The following TRAPPC9 variants were observed in gnomAD, a reference collection of about 807,000 sequenced individuals.
TRAPPC9 encodes IKK2 binding protein.
TRAPPC9 carries 83 observed loss-of-function variants against 124.0 expected under a neutral mutation model. That is an observed-to-expected ratio of 0.67 (90% confidence interval 0.56 to 0.80). The LOEUF is 0.80. Among genes scored for constraint, TRAPPC9 ranks in the 30% least tolerant of loss-of-function variants. The pLI, the probability that TRAPPC9 is intolerant of heterozygous loss-of-function variation, is 0.00. For missense variants in TRAPPC9, 1,302 were observed against 1,508.3 expected, an observed-to-expected ratio of 0.86 and a Z score of 2.27; for synonymous variants, 638 against 617.5, an observed-to-expected ratio of 1.03 and a Z score of -0.49.
At chr8:140,403,788 G>T (rs182242486) in intron 6 of TRAPPC9, among the ~76,000 whole-genome samples, 1 of 151,990 alleles carries the variant, frequency 6.6e-6, no homozygotes, top group Admixed American at 6.6e-5. Flanking sequence ...CTCCCGAGTA[G>T]CTGGGACTAC....
chr8:139,857,924 G>C (rs1056881470), intron 21 of TRAPPC9, among the ~76,000 whole-genome samples: 1 of 152,180 alleles, frequency 6.6e-6, no homozygotes, highest in Admixed American at 6.5e-5. Flanking sequence ...CCCAACCATC[G>C]AGCCATCAGC....
intron 9 of TRAPPC9, among the ~76,000 whole-genome samples, chr8:140,321,443 C>A (rs1012898982): frequency 4.6e-5 from 7 of 152,194 alleles, no homozygotes; most frequent in Admixed American, 4.6e-4. Context: ...ATGGCCTTTG[C>A]GCACTAACAA....
chr8:140,010,075 C>G (rs1453142374), intron 18 of TRAPPC9, among the ~76,000 whole-genome samples: 2 of 152,168 alleles, frequency 1.3e-5, no homozygotes, highest in Non-Finnish European at 2.9e-5. Context: ...TTACTTATGA[C>G]TTTTTGTAAG....
At chr8:140,334,456 C>A (rs2066981490) in intron 9 of TRAPPC9, among the ~76,000 whole-genome samples, 1 of 152,056 alleles carries the variant, frequency 6.6e-6, no homozygotes, top group Non-Finnish European at 1.5e-5. Flanking sequence ...TCGACACTAG[C>A]CTAGCCAACG....
chr8:140,068,786 G>C (rs1054765833), intron 17 of TRAPPC9, among the ~76,000 whole-genome samples: 1 of 152,158 alleles, frequency 6.6e-6, no homozygotes, highest in African/African-American at 2.4e-5. Flanking sequence ...TTGGCACAAC[G>C]ATATAGCTTT....
intron 17 of TRAPPC9, among the ~76,000 whole-genome samples, chr8:140,162,231 G>T (rs1181982904): frequency 6.6e-6 from 1 of 152,124 alleles, no homozygotes; most frequent in Non-Finnish European, 1.5e-5. Context: ...CTGCCACCCT[G>T]CTTCTTCCCT....
chr8:140,246,771 G>A (rs2063998299), intron 16 of TRAPPC9, among the ~76,000 whole-genome samples: 1 of 152,142 alleles, frequency 6.6e-6, no homozygotes, highest in Non-Finnish European at 1.5e-5. Context: ...GATCACCTGA[G>A]GTCAGGAGTT....
chr8:139,935,965 C>G (rs1833485034), intron 19 of TRAPPC9, among the ~76,000 whole-genome samples: 1 of 152,206 alleles, frequency 6.6e-6, no homozygotes, highest in Admixed American at 6.5e-5. Context: ...CTGCTCCAGT[C>G]CCACAATGGG....
At chr8:140,457,854 G>A (rs1223177922), upstream of TRAPPC9, 1 of 1,119,554 alleles carries the variant, frequency 8.9e-7, no homozygotes, top group African/African-American at 1.6e-5. Flanking sequence ...TAGGAGCGAG[G>A]GAGAAAAGAG....
chr8:140,363,619 C>T (rs1251746692), intron 8 of TRAPPC9, among the ~76,000 whole-genome samples: 1 of 148,126 alleles, frequency 6.8e-6, no homozygotes, highest in Non-Finnish European at 1.5e-5. Context: ...TTTTTTGAAA[C>T]GGAGTTTCAC....
At chr8:140,391,435 G>A (rs190879683) in intron 7 of TRAPPC9, among the ~76,000 whole-genome samples, 2 of 152,322 alleles carry the variant, frequency 1.3e-5, no homozygotes, top group African/African-American at 2.4e-5. Context: ...AAAGTGAGCC[G>A]GGTGCAGTGG....
intron 17 of TRAPPC9, among the ~76,000 whole-genome samples, chr8:140,134,194 GAC>G (rs2061256372): frequency 1.3e-5 from 2 of 152,074 alleles, no homozygotes; most frequent in African/African-American, 4.8e-5. Context: ...CATAATAATA[GAC>G]ACACAGACCA....
intron 21 of TRAPPC9, among the ~76,000 whole-genome samples, chr8:139,847,892 A>G (rs112162186): frequency 1.7e-3 from 265 of 152,338 alleles, no homozygotes; most frequent in African/African-American, 6.3e-3. Flanking sequence ...AGACCCTCCA[A>G]GGCAAAAAGC....
chr8:140,129,181 A>G (rs892139469), intron 17 of TRAPPC9, among the ~76,000 whole-genome samples: 3 of 152,000 alleles, frequency 2.0e-5, no homozygotes, highest in Admixed American at 6.5e-5. Context: ...ATTGGTGTCC[A>G]TCTCCTTTCT....
chr8:139,975,927 C>CTTTTTTTTTT, intron 19 of TRAPPC9, among the ~76,000 whole-genome samples: 1 of 95,566 alleles, frequency 1.0e-5, no homozygotes, highest in Non-Finnish European at 2.0e-5. Context: ...AAAGGACAGT[C>CTTTTTTTTTT]TTTTTTTTTT....
At chr8:140,362,193 T>C (rs1297701518) in intron 8 of TRAPPC9, among the ~76,000 whole-genome samples, 1 of 152,220 alleles carries the variant, frequency 6.6e-6, no homozygotes, top group African/African-American at 2.4e-5. Context: ...CATTCAAGTG[T>C]CCTTAATGCC....
At chr8:139,736,990 A>T (rs116780587) in intron 21 of TRAPPC9, among the ~76,000 whole-genome samples, 1 of 152,238 alleles carries the variant, frequency 6.6e-6, no homozygotes, top group Non-Finnish European at 1.5e-5. Flanking sequence ...CCCGACTCCA[A>T]CCAGGACGGA....
intron 18 of TRAPPC9, among the ~76,000 whole-genome samples, chr8:139,990,907 T>C (rs941452087): frequency 2.6e-5 from 4 of 152,280 alleles, no homozygotes; most frequent in South Asian, 2.1e-4. Flanking sequence ...ATTTATATCA[T>C]GTAGCACAGC....
At chr8:139,973,091 A>G (rs1379933878) in intron 19 of TRAPPC9, among the ~76,000 whole-genome samples, 2 of 152,236 alleles carry the variant, frequency 1.3e-5, no homozygotes, top group Admixed American at 6.5e-5. Context: ...CCCTTTTTCT[A>G]TGGCAAATGT....
Sources: allele counts gnomAD v4.1 joint callset (sites outside exome capture counted in the v4.1 genomes callset), GRCh38; gene constraint gnomAD v4.1.1; transcripts MANE v1.5; gene names NCBI Gene and HGNC (gene_info 2026-07-23, HGNC 2026-07-21).